The following CHGB variants were observed in gnomAD, a reference collection of about 807,000 sequenced individuals.
CHGB encodes secretogranin-1.
CHGB carries 46 observed loss-of-function variants against 69.9 expected under a neutral mutation model. The observed-to-expected ratio is 0.66, with a 90% CI of 0.52 to 0.84. The LOEUF (loss-of-function observed/expected upper bound fraction) is 0.84. CHGB is among the 40% of genes least tolerant of loss of function. The pLI is 0.00. For missense variants in CHGB, 796 were observed against 822.2 expected (o/e 0.97, Z 0.39); for synonymous variants, 312 against 298.2 (o/e 1.05, Z -0.48).
intron 3 of CHGB, among the ~76,000 whole-genome samples, chr20:5,919,298 G>A (rs1195213290): frequency 1.3e-5 from 2 of 152,158 alleles, no homozygotes; most frequent in Non-Finnish European, 2.9e-5. Context: ...AGAGACGTAG[G>A]GAAACTGGGA....
chr20:5,916,734 T>TAATCAAGTCTTCCTTGACAGCA lies in CHGB; in HGVS notation c.97-91_97-70dup, dbSNP rs2088477596. The TAATCAAGTCTTCCTTGACAGCA allele has an allele frequency of 2.6e-6, 3 of 1,136,310 alleles. No homozygotes were observed. The African/African-American group carries it at 4.6e-5, about 17-fold the overall frequency. 70.4% of individuals were successfully genotyped at this position (1,136,310 alleles called of 1,614,324 possible). A position where few individuals can be genotyped will look rare whatever the true frequency, so the allele number is the denominator to read the frequency against. The stretch of plus-strand genomic sequence containing the variant: ...GAATACTGCATCAGCCCAGGTCACG[T>TAATCAAGTCTTCCTTGACAGCA]AATCAAGTCTTCCTTGACAGCAGCT... On this transcript the variant is annotated intron_variant, in intron 2 of 4. Coordinates refer to ENST00000378961, the MANE Select transcript of CHGB (RefSeq NM_001819.3).
At chr20:5,917,366 T>TG (rs1332239262) in intron 3 of CHGB, 2 of 160,866 alleles carry the variant, frequency 1.2e-5, no homozygotes, top group Non-Finnish European at 2.7e-5. Context: ...CTTTGCCTTT[T>TG]GCTCTTCTGA....
At chr20:5,924,232 G>T in intron 4 of CHGB, 132 bp downstream of exon 4, 1 of 1,312,152 alleles carries the variant, frequency 7.6e-7, no homozygotes, top group Non-Finnish European at 1.0e-6. Flanking sequence ...TCTAGTAATG[G>T]AGTGGAGGCC....
intron 3 of CHGB, among the ~76,000 whole-genome samples, chr20:5,920,526 G>A (rs556412168): frequency 1.3e-5 from 2 of 152,290 alleles, no homozygotes; most frequent in East Asian, 1.9e-4. Flanking sequence ...TCCTCATCTG[G>A]TGGAGACAGA....
At chr20:5,916,751 A>T in intron 2 of CHGB, 75 bp from the exon 3 acceptor site, 1 of 1,357,734 alleles carries the variant, frequency 7.4e-7, no homozygotes, top group Non-Finnish European at 1.1e-6. Context: ...GTCTTCCTTG[A>T]CAGCAGCTCT....
chr20:5,919,874 T>C lies in CHGB; in HGVS notation c.191-2461T>C, dbSNP rs375304193. 4.6e-5 allele frequency among the ~76,000 whole-genome samples: 7 copies of C among 152,196 alleles called. No individual in the cohort carries two copies. The East Asian group carries it at 7.7e-4, about 17-fold the overall frequency. ...TGCATGTCTCAGAGTCAGCATATAC[T>C]CACTGAGCAAATGAGTATTTGGGGA... On this transcript the variant is annotated intron_variant, in intron 3 of 4. Transcript: ENST00000378961.
chr20:5,921,202 A>AATG (rs1218803669), intron 3 of CHGB, among the ~76,000 whole-genome samples: 7 of 152,250 alleles, frequency 4.6e-5, no homozygotes, highest in Non-Finnish European at 1.5e-5. Flanking sequence ...TTCAACATAT[A>AATG]ATGATATAAA....
chr20:5,923,195 G>C lies in CHGB; in HGVS notation c.1051G>C (p.Val351Leu). 2 of 1,613,800 alleles carry C rather than the reference G, an allele frequency of 1.2e-6. No homozygotes were observed. The highest frequency in any genetic ancestry group is 1.7e-6 in the Non-Finnish European group (2 of 1,179,798). ...YGEEIKGYPGVQAPEDLEWER... is the reference protein window; with the variant it reads ...YGEEIKGYPGLQAPEDLEWER... ...AGAAGAAATAAAGGGTTATCCAGGCGTCCAGGCCCCTGAGGACCTGGAGTG... is the reference window on the plus strand; with the variant it reads ...AGAAGAAATAAAGGGTTATCCAGGCCTCCAGGCCCCTGAGGACCTGGAGTG... Residue 351 changes from valine to leucine, a missense_variant, in exon 4 of 5, where the codon GTC (valine) becomes CTC (leucine). Physicochemically the swap from Val to Leu is conservative, Grantham distance 32. Transcript: ENST00000378961.
At chr20:5,924,447 G>A (rs570374550) in intron 4 of CHGB, among the ~76,000 whole-genome samples, 1 of 152,264 alleles carries the variant, frequency 6.6e-6, no homozygotes, top group Admixed American at 6.5e-5. Context: ...TGATTGCAGC[G>A]TTCAGCCAAC....
At chr20:5,916,221 G>A (rs1229077123) in intron 1 of CHGB, 105 bp from the exon 2 acceptor site, 2 of 796,114 alleles carry the variant, frequency 2.5e-6, no homozygotes, top group African/African-American at 3.5e-5. Context: ...TTAAGACATT[G>A]CCAGGGGAAA....
At chr20:5,912,889 C>T (rs1393345043) in intron 1 of CHGB, among the ~76,000 whole-genome samples, 1 of 151,882 alleles carries the variant, frequency 6.6e-6, no homozygotes, top group Non-Finnish European at 1.5e-5. Flanking sequence ...GAAAGCCAGT[C>T]GTAATTAATT....
At chr20:5,914,289 C>T (rs1331823184) in intron 1 of CHGB, among the ~76,000 whole-genome samples, 1 of 151,986 alleles carries the variant, frequency 6.6e-6, no homozygotes, top group African/African-American at 2.4e-5. Flanking sequence ...GATGTCTCAC[C>T]AAGATGTATA....
intron 2 of CHGB, 30 bp downstream of exon 2, chr20:5,916,402 G>A: frequency 5.0e-6 from 8 of 1,584,220 alleles, no homozygotes; most frequent in Non-Finnish European, 6.9e-6. Flanking sequence ...TTAGAATCTA[G>A]ACTTGTGTCT....
Position 5,922,957 on chromosome 20 carries a change from C to T in CHGB, c.813C>T (p.Thr271=), listed in dbSNP as rs1186032475. 1 of 1,610,848 alleles carries T rather than the reference C, an allele frequency of 6.2e-7. No individual in the cohort carries two copies. The highest frequency in any genetic ancestry group is 8.5e-7 in the Non-Finnish European group (1 of 1,178,518). Residue 271 remains threonine, a synonymous_variant, in exon 4 of 5, where the codon ACC becomes ACT. Coordinates refer to ENST00000378961, the MANE Select transcript of CHGB (RefSeq NM_001819.3). ...EESEEGEEDA[T]SEVDKRRTRP... ...CTGAGGAAGGTGAGGAAGATGCCAC[C>T]TCTGAGGTGGACAAACGACGCACGA...
chr20:5,917,446 A>C (rs942251889), intron 3 of CHGB: 1 of 158,750 alleles, frequency 6.3e-6, no homozygotes, highest in African/African-American at 2.4e-5. Context: ...CTATTTACAC[A>C]ACAAATTAGC....
chr20:5,916,250 G>A (rs1056236344), intron 1 of CHGB, 76 bp from the exon 2 acceptor site: 19 of 1,083,036 alleles, frequency 1.8e-5, no homozygotes, highest in Non-Finnish European at 2.5e-5. Context: ...CTAATGTGGG[G>A]TGATTTTGTC....
Position 5,922,531 on chromosome 20 carries a change from C to G in CHGB, c.387C>G (p.His129Gln). The change falls in exon 4 of 5, where the codon CAC becomes CAG. Residue 129 changes from histidine (H) to glutamine (Q), a missense_variant. Physicochemically the swap from His to Gln is conservative, Grantham distance 24 (BLOSUM62 0). Transcript: ENST00000378961. ...AGAAATGGGCAGAGGGAGGCGGGCA[C>G]AGCCGAGAGCGAGCGGATGAGCCCC... ...DTEKWAEGGG[H>Q]SRERADEPQW... 6.2e-7 allele frequency: 1 copy of G among 1,612,676 alleles called. No homozygotes were observed. The highest frequency in any genetic ancestry group is 8.5e-7 in the Non-Finnish European group (1 of 1,179,140).
Position 5,923,537 on chromosome 20 carries a change from A to G in CHGB, c.1393A>G (p.Lys465Glu), listed in dbSNP as rs778147994. Reference protein sequence around the residue: ...KARRHPQGAWKELDRNYLNYG... With the variant: ...KARRHPQGAWEELDRNYLNYG... ...AAGGAGGCATCCACAAGGTGCGTGGAAAGAGCTGGACAGAAATTATCTCAA... is the reference window on the plus strand; with the variant it reads ...AAGGAGGCATCCACAAGGTGCGTGGGAAGAGCTGGACAGAAATTATCTCAA... The change falls in exon 4 of 5, where the codon AAA becomes GAA. Residue 465 changes from lysine to glutamate, a missense_variant. This residue lies in a region of CHGB where 274 missense variants were observed against 298.9 expected (regional missense o/e 0.92). Coordinates refer to ENST00000378961, the MANE Select transcript of CHGB (RefSeq NM_001819.3). 6.2e-7 allele frequency: 1 copy of G among 1,614,190 alleles called. No homozygotes were observed. Among genetic ancestry groups the G allele is most frequent in the Non-Finnish European group, 8.5e-7 (1 of 1,180,036 alleles).
chr20:5,924,648 T>C (rs933826788), intron 4 of CHGB, among the ~76,000 whole-genome samples: 1 of 152,206 alleles, frequency 6.6e-6, no homozygotes. Flanking sequence ...GAGCTGAACC[T>C]ACCCAAACAA....
Sources: gnomAD v4.1 joint callset for allele counts (sites outside exome capture counted in the v4.1 genomes callset) on GRCh38, gnomAD v4.1.1 for gene constraint, gnomAD v4.1.1 regional missense constraint, MANE v1.5 for transcripts, NCBI Gene and HGNC (gene_info 2026-07-23, HGNC 2026-07-21) for gene names.